The following HMMR variants were observed in gnomAD, a reference collection of about 807,000 sequenced individuals.
HMMR encodes the protein hyaluronan mediated motility receptor, also known as intracellular hyaluronic acid-binding protein.
HMMR carries 108 observed loss-of-function variants against 101.0 expected under a neutral mutation model. The observed-to-expected ratio is 1.07, with a 90% CI of 0.92 to 1.25. The LOEUF is 1.25. Ranked by LOEUF, HMMR falls within the 50% of genes most tolerant of loss-of-function variation. The probability of loss-of-function intolerance (pLI) is 0.00; values close to 1 mark genes in which losing one functional copy is unlikely to be tolerated. For synonymous variants in HMMR, 296 were observed against 276.4 expected (o/e 1.07, Z -0.70); for missense variants, 813 against 788.7 (o/e 1.03, Z -0.37).
At chr5:163,462,339 G>C (rs1758566279) in intron 1 of HMMR, among the ~76,000 whole-genome samples, 1 of 151,046 alleles carries the variant, frequency 6.6e-6, no homozygotes, top group African/African-American at 2.4e-5. Context: ...CTCCAGCCTG[G>C]GTGACAGTGC....
Position 163,483,024 on chromosome 5 carries a change from C to G in HMMR, c.1537C>G (p.Leu513Val). Residue 513 changes from leucine (L) to valine (V), a missense_variant, in exon 14 of 18, where the codon CTT (leucine) becomes GTT (valine). By Grantham distance (32) the Leu-to-Val change is conservative. Transcript: ENST00000393915. Reference protein sequence around the residue: ...ESSNQEYVRMLLDLQTKSALK... With the variant: ...ESSNQEYVRMVLDLQTKSALK... ...CTCTTCTCTCTCAAACCAAAGGATGCTTCTAGATCTGCAGACCAAGTCAGC... is the reference window on the plus strand; with the variant it reads ...CTCTTCTCTCTCAAACCAAAGGATGGTTCTAGATCTGCAGACCAAGTCAGC... 1 of 1,597,238 alleles carries G rather than the reference C, an allele frequency of 6.3e-7. No individual in the cohort carries two copies. Among genetic ancestry groups the G allele is most frequent in the Non-Finnish European group, 8.5e-7 (1 of 1,175,108 alleles).
At position 163,491,671 on chromosome 5, in the gene HMMR, C is replaced by G. The variant is rs1449978336; in HGVS notation, c.*507C>G. The G allele has an allele frequency of 6.6e-6, 1 of 152,112 alleles. No homozygotes were observed. Among genetic ancestry groups the G allele is most frequent in the Non-Finnish European group, 1.5e-5 (1 of 68,030 alleles). The allele number at this position is 152,112 out of a possible 1,614,324, so 9.4% of individuals were successfully genotyped here. A position where few individuals can be genotyped will look rare whatever the true frequency, so the allele number is the denominator to read the frequency against. On this transcript the variant is annotated 3_prime_UTR_variant, in exon 18 of 18. Transcript: ENST00000393915. ...AGGACAAGCCTAACTTCATAGAAAC[C>G]TCTCTATTTTTAATCAGTTGTTTAA...
intron 7 of HMMR, among the ~76,000 whole-genome samples, chr5:163,472,437 A>C (rs1758928221): frequency 6.6e-6 from 1 of 152,070 alleles, no homozygotes; most frequent in African/African-American, 2.4e-5. Context: ...TTTTATGGAC[A>C]CGTTTTTATT....
intron 10 of HMMR, chr5:163,474,725 A>G (rs1759013412): frequency 2.3e-5 from 9 of 388,806 alleles, no homozygotes; most frequent in South Asian, 1.7e-4. Context: ...CACTTACAAA[A>G]TTGGCACAAA....
At chr5:163,470,456 T>C (rs982232008) in intron 5 of HMMR, among the ~76,000 whole-genome samples, 5 of 151,786 alleles carry the variant, frequency 3.3e-5, no homozygotes, top group African/African-American at 1.2e-4. Flanking sequence ...AACCCCATCT[T>C]TACTAAAAAT....
chr5:163,463,766 T>C (rs1758614376), intron 1 of HMMR, 90 bp from the exon 2 acceptor site: 1 of 525,346 alleles, frequency 1.9e-6, no homozygotes, highest in African/African-American at 2.0e-5. Context: ...AATGACATTT[T>C]TACATTTATA....
Position 163,483,080 on chromosome 5 carries a change from A to C in HMMR, c.1593A>C (p.Thr531=). Residue 531 remains threonine (T), a synonymous_variant, in exon 14 of 18, where the codon ACA becomes ACC. Coordinates refer to ENST00000393915, the MANE Select transcript of HMMR (RefSeq NM_001142556.2). ...ALKETEIKEI[T]VSFLQKITDL... is the part of the protein sequence containing the mutation. ...AGGAAACAGAAATTAAAGAAATCAC[A>C]GTTTCTTTTCTTCAAAAAATAACTG... 6.2e-7 allele frequency: 1 copy of C among 1,611,242 alleles called. No individual in the cohort carries two copies. The highest frequency in any genetic ancestry group is 8.5e-7 in the Non-Finnish European group (1 of 1,177,862).
intron 1 of HMMR, among the ~76,000 whole-genome samples, chr5:163,461,241 A>G (rs1389871165): frequency 2.6e-5 from 4 of 152,320 alleles, no homozygotes; most frequent in East Asian, 3.9e-4. Context: ...TATGGCTGAT[A>G]TTGACCACTT....
At chr5:163,466,072 T>A (rs1473517666) in intron 3 of HMMR, among the ~76,000 whole-genome samples, 16 of 151,538 alleles carry the variant, frequency 1.1e-4, no homozygotes, top group Non-Finnish European at 1.5e-5. Context: ...GAGACCAGCC[T>A]GACCCACATG....
intron 10 of HMMR, 35 bp downstream of exon 10, chr5:163,474,240 T>C (rs760189290): frequency 6.5e-7 from 1 of 1,531,392 alleles, no homozygotes; most frequent in African/African-American, 1.4e-5. Flanking sequence ...AACTGTTCAT[T>C]TTGTGTCATA....
In HMMR at chr5:163,482,655, A is replaced by G; in HGVS notation, c.1399A>G (p.Thr467Ala). 1 of 1,611,454 alleles carries G rather than the reference A, an allele frequency of 6.2e-7. No individual in the cohort carries two copies. Among genetic ancestry groups the G allele is most frequent in the South Asian group, 1.1e-5 (1 of 90,926 alleles). ...CTTTTTAATAAGCTATAAAGCGTTA[A>G]CAGCCAGTGAGATAGAAGATCTTAA... ...TAQFESYKAL[T>A]ASEIEDLKLE... Residue 467 changes from threonine (T) to alanine (A), a missense_variant, in exon 13 of 18, where the codon ACA (threonine) becomes GCA (alanine). By Grantham distance (58) the Thr-to-Ala change is moderately conservative (BLOSUM62 0). Transcript: ENST00000393915.
At chr5:163,465,107 C>A in intron 3 of HMMR, 1 of 257,500 alleles carries the variant, frequency 3.9e-6, no homozygotes, top group Non-Finnish European at 7.3e-6. Flanking sequence ...TTAAGTACCA[C>A]CATTTGAGTT....
intron 17 of HMMR, among the ~76,000 whole-genome samples, chr5:163,490,775 C>T (rs1759667139): frequency 6.6e-6 from 1 of 152,198 alleles, no homozygotes; most frequent in African/African-American, 2.4e-5. Flanking sequence ...AATCTCAAAT[C>T]TTCCTTGAAG....
At chr5:163,475,411 C>G (rs1759035415) in intron 10 of HMMR, 47 bp from the exon 11 acceptor site, 2 of 1,146,168 alleles carry the variant, frequency 1.7e-6, no homozygotes, top group Non-Finnish European at 1.3e-6. Context: ...AGTACAACCT[C>G]ACAATGCCAT....
At chr5:163,469,012 T>A (rs1758783919) in intron 4 of HMMR, among the ~76,000 whole-genome samples, 1 of 152,208 alleles carries the variant, frequency 6.6e-6, no homozygotes, top group African/African-American at 2.4e-5. Context: ...TAAGCTAATT[T>A]GAATTTGTGT....
At position 163,491,220 on chromosome 5, in the gene HMMR, C is replaced by A; in HGVS notation, c.*56C>A. ...ATTCGTCTTGTTGTTATTGATGTTGCTGTTATTATATTTGACATGGGTATT... is the reference window on the plus strand; with the variant it reads ...ATTCGTCTTGTTGTTATTGATGTTGATGTTATTATATTTGACATGGGTATT... On this transcript the variant is annotated 3_prime_UTR_variant, in exon 18 of 18. Transcript: ENST00000393915. 1.0e-6 allele frequency: 1 copy of A among 972,258 alleles called. No individual in the cohort carries two copies. The allele number at this position is 972,258 out of a possible 1,614,324, so 60.2% of individuals were successfully genotyped here.
intron 11 of HMMR, among the ~76,000 whole-genome samples, chr5:163,477,024 G>A (rs1759089191): frequency 6.6e-6 from 1 of 152,156 alleles, no homozygotes. Flanking sequence ...GAGGGAGACT[G>A]TGTCCCAAAA....
At chr5:163,469,620 T>C in intron 4 of HMMR, 21 bp from the exon 5 acceptor site, 1 of 1,595,998 alleles carries the variant, frequency 6.3e-7, no homozygotes, top group Non-Finnish European at 8.5e-7. Context: ...AATCATTTAT[T>C]ATCACCTTGT....
In HMMR at chr5:163,463,059, G is replaced by A. The variant is rs535183717; in HGVS notation, c.47-797G>A. 3.9e-5 allele frequency among the ~76,000 whole-genome samples: 6 copies of A among 152,102 alleles called. No homozygotes were observed. The East Asian group carries it at 9.7e-4, about 24-fold the overall frequency. On this transcript the variant is annotated intron_variant, in intron 1 of 17. Coordinates refer to ENST00000393915, the MANE Select transcript of HMMR (RefSeq NM_001142556.2). ...ATTTTAATTACTTTAAGTCCTAAAG[G>A]CCCCATCTCAGGTCTGCTATGTGTA...
Sources: gnomAD v4.1 joint callset for allele counts (sites outside exome capture counted in the v4.1 genomes callset) on GRCh38, gnomAD v4.1.1 for gene constraint, MANE v1.5 for transcripts, NCBI Gene and HGNC (gene_info 2026-07-23, HGNC 2026-07-21) for gene names.